BABAM2: variants seen among roughly 807,000 people sequenced by gnomAD.
The protein encoded by BABAM2 is BRISC and BRCA1 A complex member 2, also known as BRISC and BRCA1-A complex member 2.
In BABAM2, 31 loss-of-function variants were observed where a neutral mutation model predicts 54.7. That is an observed-to-expected ratio of 0.57 (90% CI 0.43 to 0.77). BABAM2 has a LOEUF of 0.77. Ranked by LOEUF, BABAM2 falls within the 30% of genes least tolerant of loss-of-function variation. The pLI, the probability that BABAM2 is intolerant of heterozygous loss-of-function variation, is 0.00. For missense variants in BABAM2, 364 were observed against 455.8 expected (o/e 0.80, Z 1.83); for synonymous variants, 167 against 162.9 (o/e 1.03, Z -0.19).
intron 3 of BABAM2, among the ~76,000 whole-genome samples, chr2:27,976,835 C>T (rs916947084): frequency 1.3e-5 from 2 of 152,098 alleles, no homozygotes; most frequent in African/African-American, 2.4e-5. Flanking sequence ...AGCACTGCTT[C>T]AGATATTAGA....
intron 7 of BABAM2, among the ~76,000 whole-genome samples, chr2:28,169,071 A>G (rs966950766): frequency 1.3e-5 from 2 of 152,168 alleles, no homozygotes; most frequent in Admixed American, 6.5e-5. Flanking sequence ...ACTGTGTTCT[A>G]TTATGGGCTT....
At chr2:28,092,893 C>T (rs1266735502) in intron 6 of BABAM2, among the ~76,000 whole-genome samples, 2 of 152,080 alleles carry the variant, frequency 1.3e-5, no homozygotes, top group Admixed American at 6.6e-5. Flanking sequence ...ATCTTCTCAG[C>T]ATCCGACAGT....
At chr2:27,988,155 G>A in intron 4 of BABAM2, 68 bp downstream of exon 4, 3 of 1,438,300 alleles carry the variant, frequency 2.1e-6, no homozygotes, top group Middle Eastern at 1.8e-4. Flanking sequence ...GCTTTCAGCA[G>A]TTGCTTAACA....
intron 10 of BABAM2, among the ~76,000 whole-genome samples, chr2:28,260,264 G>A (rs192773137): frequency 4.0e-4 from 59 of 148,558 alleles, no homozygotes; most frequent in African/African-American, 1.4e-3. Context: ...TCTTGAAATC[G>A]TGTAGTATAA....
At chr2:28,096,251 A>T (rs1363537868) in intron 6 of BABAM2, among the ~76,000 whole-genome samples, 1 of 152,190 alleles carries the variant, frequency 6.6e-6, no homozygotes, top group Non-Finnish European at 1.5e-5. Context: ...ACATCTGTCT[A>T]AAATGCCATT....
chr2:28,241,389 G>A lies in BABAM2; in HGVS notation c.847G>A (p.Gly283Ser). The A allele has an allele frequency of 6.2e-7, 1 of 1,613,834 alleles. No individual in the cohort carries two copies. Among genetic ancestry groups the A allele is most frequent in the Non-Finnish European group, 8.5e-7 (1 of 1,179,754 alleles). ...TATTGCTGCTTTTCTCAGTCACTTT[G>A]GCACGTAAGTTCTGCCCTGTTTGAA... is the stretch of plus-strand genomic sequence containing the variant. ...EYIAAFLSHFGTGVVEYDAEG... is the reference protein window; with the variant it reads ...EYIAAFLSHFSTGVVEYDAEG... The change falls in exon 9 of 12, where the codon GGC (glycine) becomes AGC (serine). Residue 283 changes from glycine to serine, a missense_variant. By Grantham distance (56) the Gly-to-Ser change is moderately conservative. Coordinates refer to ENST00000379624, the MANE Select transcript of BABAM2 (RefSeq NM_199191.3).
At chr2:28,199,572 T>C (rs918776751) in intron 7 of BABAM2, among the ~76,000 whole-genome samples, 13 of 152,208 alleles carry the variant, frequency 8.5e-5, no homozygotes, top group Non-Finnish European at 1.6e-4. Context: ...TGATTGAAAC[T>C]AGGTATTAGC....
At chr2:28,241,864 C>CTTT (rs35913780) in intron 9 of BABAM2, among the ~76,000 whole-genome samples, 2 of 110,450 alleles carry the variant, frequency 1.8e-5, no homozygotes, top group African/African-American at 6.7e-5. Context: ...CCCAGGATCC[C>CTTT]TTTTTTTTTT....
At chr2:28,078,114 C>G (rs1308584435) in intron 6 of BABAM2, among the ~76,000 whole-genome samples, 1 of 152,198 alleles carries the variant, frequency 6.6e-6, no homozygotes, top group East Asian at 1.9e-4. Context: ...CCGGCTCTGT[C>G]CCACCCAAGA....
chr2:28,247,483 C>T (rs998486648), intron 10 of BABAM2, among the ~76,000 whole-genome samples: 3 of 152,298 alleles, frequency 2.0e-5, no homozygotes, highest in Non-Finnish European at 4.4e-5. Flanking sequence ...CCCAAGGGAC[C>T]ACTTGTTCCT....
chr2:27,929,051 TA>T (rs374733074), intron 2 of BABAM2, among the ~76,000 whole-genome samples: 1,453 of 114,598 alleles, frequency 0.013, 25 homozygotes, highest in African/African-American at 0.045. Context: ...CCTCCTCTCT[TA>T]AAAAAAAAAA....
At position 28,131,086 on chromosome 2, in the gene BABAM2, T is replaced by TA. The variant is rs1573644368; in HGVS notation, c.680+1706_680+1707insA. On this transcript the variant is annotated intron_variant, in intron 7 of 11. Transcript: ENST00000379624. ...ATTATTATTATTATTATTATTTTTTTTTTTTTTTTTTTTGAGACGGAGTCT... is the reference window on the plus strand; with the variant it reads ...ATTATTATTATTATTATTATTTTTTTATTTTTTTTTTTTTGAGACGGAGTCT... Among the ~76,000 whole-genome samples, 2 of 14,306 alleles carry TA rather than the reference T, an allele frequency of 1.4e-4. 1 individual carries two copies. Among genetic ancestry groups the TA allele is most frequent in the South Asian group, 6.2e-3 (2 of 324 alleles). The allele number at this position is 14,306 out of a possible 152,430, so 9.4% of individuals were successfully genotyped here. A position where few individuals can be genotyped will look rare whatever the true frequency, so the allele number is the denominator to read the frequency against.
chr2:28,164,618 A>G (rs901476150), intron 7 of BABAM2, among the ~76,000 whole-genome samples: 2 of 151,170 alleles, frequency 1.3e-5, no homozygotes, highest in African/African-American at 2.4e-5. Context: ...TTTTTCCCAT[A>G]CATTAAGAGC....
At chr2:28,037,038 T>C (rs1003857333) in intron 5 of BABAM2, among the ~76,000 whole-genome samples, 1 of 152,218 alleles carries the variant, frequency 6.6e-6, no homozygotes, top group African/African-American at 2.4e-5. Flanking sequence ...ATTGTGGACA[T>C]TTTATTATAT....
chr2:28,169,799 A>G (rs1674119164), intron 7 of BABAM2, among the ~76,000 whole-genome samples: 1 of 151,862 alleles, frequency 6.6e-6, no homozygotes, highest in Non-Finnish European at 1.5e-5. Context: ...AAAATCCAGT[A>G]ATAAGGGATT....
intron 4 of BABAM2, chr2:28,016,252 CCT>C (rs1674806061): frequency 1.5e-5 from 14 of 911,388 alleles, no homozygotes; most frequent in East Asian, 1.3e-4. Context: ...ACAATTTCCC[CCT>C]GTGTTTTTCT....
chr2:28,130,600 C>T (rs964977312), intron 7 of BABAM2, among the ~76,000 whole-genome samples: 1 of 152,044 alleles, frequency 6.6e-6, no homozygotes, highest in African/African-American at 2.4e-5. Context: ...CTCCAGGTGC[C>T]ACCATGCATG....
chr2:27,987,072 T>TA (rs1324642422), intron 3 of BABAM2, among the ~76,000 whole-genome samples: 1 of 152,192 alleles, frequency 6.6e-6, no homozygotes, highest in Non-Finnish European at 1.5e-5. Flanking sequence ...GAACTTACTA[T>TA]ATGCTGGACA....
intron 11 of BABAM2, among the ~76,000 whole-genome samples, chr2:28,334,708 T>G (rs963453455): frequency 2.6e-5 from 4 of 152,036 alleles, no homozygotes; most frequent in Non-Finnish European, 5.9e-5. Context: ...GTGAAACATA[T>G]GGAAGGAATA....
Sources: gnomAD v4.1 joint callset for allele counts (sites outside exome capture counted in the v4.1 genomes callset) on GRCh38, gnomAD v4.1.1 for gene constraint, MANE v1.5 for transcripts, NCBI Gene and HGNC (gene_info 2026-07-23, HGNC 2026-07-21) for gene names.